Variants in MYO1D observed in about 807,000 individuals in gnomAD.
The protein encoded by MYO1D is unconventional myosin-Id.
Under a neutral mutation model 122.0 loss-of-function variants are expected in MYO1D, and 83 were observed. The observed-to-expected ratio is 0.68, with a 90% confidence interval of 0.57 to 0.82. The LOEUF (loss-of-function observed/expected upper bound fraction) is 0.82. Among genes scored for constraint, MYO1D ranks in the 40% least tolerant of loss-of-function variants. The probability of loss-of-function intolerance (pLI) is 0.00; values close to 1 mark genes in which losing one functional copy is unlikely to be tolerated. For synonymous variants in MYO1D, 464 were observed against 446.9 expected (o/e 1.04, Z -0.48); for missense variants, 1,157 against 1,269.5 (o/e 0.91, Z 1.35).
chr17:32,818,747 G>T (rs911311983), intron 1 of MYO1D, among the ~76,000 whole-genome samples: 1 of 152,186 alleles, frequency 6.6e-6, no homozygotes, highest in Non-Finnish European at 1.5e-5. Flanking sequence ...GTAAGGAAGG[G>T]TATTATATCA....
At chr17:32,554,060 A>G (rs1355458946) in intron 21 of MYO1D, among the ~76,000 whole-genome samples, 1 of 152,168 alleles carries the variant, frequency 6.6e-6, no homozygotes, top group African/African-American at 2.4e-5. Context: ...TCACCTAAAT[A>G]AAATACCTGA....
chr17:32,873,191 A>T (rs1228093273), intron 1 of MYO1D, among the ~76,000 whole-genome samples: 3 of 152,226 alleles, frequency 2.0e-5, no homozygotes, highest in Non-Finnish European at 2.9e-5. Flanking sequence ...CTCTACAAAA[A>T]AATGTTGTCA....
At chr17:32,754,210 G>C (rs1430532360) in intron 11 of MYO1D, among the ~76,000 whole-genome samples, 1 of 152,116 alleles carries the variant, frequency 6.6e-6, no homozygotes, top group Non-Finnish European at 1.5e-5. Context: ...TAGGACATTT[G>C]CCCATGTAAT....
At chr17:32,848,489 C>T (rs969182041) in intron 1 of MYO1D, among the ~76,000 whole-genome samples, 5 of 152,176 alleles carry the variant, frequency 3.3e-5, no homozygotes, top group African/African-American at 9.7e-5. Context: ...ATTACCAAAA[C>T]ATTAATTCTT....
intron 19 of MYO1D, among the ~76,000 whole-genome samples, chr17:32,642,786 G>C (rs1234906679): frequency 6.6e-6 from 1 of 152,156 alleles, no homozygotes; most frequent in Admixed American, 6.5e-5. Flanking sequence ...CATCCTGAGA[G>C]TTTGCTGAAG....
rs555327965 is a variant in MYO1D, at chr17:32,791,951, G to C, written c.96-11167C>G. Among the ~76,000 whole-genome samples the C allele has an allele frequency of 4.6e-5, 7 of 152,202 alleles. No homozygotes were observed. The South Asian group carries it at 1.5e-3, about 32-fold the overall frequency. ...TAGAAACAGTTTAGTTGTTGTTTTT[G>C]AATGAATGGCAATTTTTTTTTCTCT... On this transcript the variant is annotated intron_variant, in intron 1 of 21. Transcript: ENST00000318217.
chr17:32,823,334 C>A (rs952744952), intron 1 of MYO1D, among the ~76,000 whole-genome samples: 2 of 152,078 alleles, frequency 1.3e-5, no homozygotes, highest in East Asian at 3.9e-4. Context: ...ACAAGATCAG[C>A]CCAACTACTA....
chr17:32,653,808 C>G (rs752596812), intron 19 of MYO1D, 35 bp downstream of exon 19: 16 of 1,560,156 alleles, frequency 1.0e-5, no homozygotes, highest in Admixed American at 1.7e-5. Flanking sequence ...ATCAGTCTTT[C>G]CTTTCCAAGA....
chr17:32,620,058 G>C (rs1795354194), intron 20 of MYO1D, among the ~76,000 whole-genome samples: 1 of 152,206 alleles, frequency 6.6e-6, no homozygotes, highest in Admixed American at 6.5e-5. Flanking sequence ...TGCCGGATGG[G>C]AGTGGAAGTC....
intron 16 of MYO1D, among the ~76,000 whole-genome samples, chr17:32,683,389 T>C (rs554287864): frequency 6.6e-6 from 1 of 152,322 alleles, no homozygotes; most frequent in African/African-American, 2.4e-5. Context: ...TTTATCTACT[T>C]TTGGTCTCTG....
chr17:32,651,555 CT>C (rs1372931585), intron 19 of MYO1D, among the ~76,000 whole-genome samples: 3 of 152,142 alleles, frequency 2.0e-5, no homozygotes, highest in Middle Eastern at 3.2e-3. Flanking sequence ...GGCTCATCAC[CT>C]CATTTTTTTC....
chr17:32,590,734 T>C lies in MYO1D; in HGVS notation c.2864+14353A>G, dbSNP rs150177191. 3.5e-3 allele frequency among the ~76,000 whole-genome samples: 534 copies of C among 152,266 alleles called. 1 individual carries two copies. Among genetic ancestry groups the C allele is most frequent in the African/African-American group, 0.011 (468 of 41,542 alleles). On this transcript the variant is annotated intron_variant, in intron 21 of 21. Transcript: ENST00000318217. ...ACACATTAAGAGAGCTTTTTAAAAA[T>C]TGCATTAAGTTAAAGAGTTATATCT...
intron 10 of MYO1D, chr17:32,760,040 G>A (rs768063776): frequency 5.0e-5 from 34 of 685,962 alleles, no homozygotes; most frequent in African/African-American, 8.9e-5. Context: ...CGTGGTAGCA[G>A]CCATAAAGTG....
intron 1 of MYO1D, among the ~76,000 whole-genome samples, chr17:32,825,964 G>A (rs2090718405): frequency 6.7e-6 from 1 of 149,708 alleles, no homozygotes; most frequent in African/African-American, 2.5e-5. Flanking sequence ...CAGGAGGATT[G>A]CCTCAGCCCA....
At chr17:32,609,422 G>A (rs1400325469) in intron 20 of MYO1D, among the ~76,000 whole-genome samples, 1 of 152,184 alleles carries the variant, frequency 6.6e-6, no homozygotes, top group Non-Finnish European at 1.5e-5. Context: ...CCCTGTTCTT[G>A]GGGGATTCAC....
At chr17:32,774,955 A>T (rs1188019413) in intron 4 of MYO1D, among the ~76,000 whole-genome samples, 1 of 152,198 alleles carries the variant, frequency 6.6e-6, no homozygotes, top group East Asian at 1.9e-4. Context: ...AACTGTAAAA[A>T]TGAACTCTAT....
intron 21 of MYO1D, among the ~76,000 whole-genome samples, chr17:32,548,354 G>C (rs578065139): frequency 4.2e-4 from 64 of 151,976 alleles, no homozygotes; most frequent in African/African-American, 1.5e-3. Flanking sequence ...CTTGATCCGA[G>C]GAGAAGGAGG....
At chr17:32,822,830 G>A (rs111922931) in intron 1 of MYO1D, among the ~76,000 whole-genome samples, 1 of 151,472 alleles carries the variant, frequency 6.6e-6, no homozygotes, top group Admixed American at 6.6e-5. Flanking sequence ...GGGGTCGACC[G>A]GCTGCCGCCC....
intron 16 of MYO1D, among the ~76,000 whole-genome samples, chr17:32,662,689 G>A (rs180969904): frequency 3.3e-5 from 5 of 151,856 alleles, no homozygotes; most frequent in East Asian, 1.9e-4. Context: ...AAAAAAAAGA[G>A]CTGTGTAAAC....
Sources: gnomAD v4.1 joint callset for allele counts (sites outside exome capture counted in the v4.1 genomes callset) on GRCh38, gnomAD v4.1.1 for gene constraint, MANE v1.5 for transcripts, NCBI Gene and HGNC (gene_info 2026-07-23, HGNC 2026-07-21) for gene names.